Variants in SRGAP2 observed in about 807,000 individuals in gnomAD.
SRGAP2 encodes the protein SLIT-ROBO Rho GTPase activating protein 2.
SRGAP2 carries 15 observed loss-of-function variants against 57.2 expected under a neutral mutation model. That is an observed-to-expected ratio of 0.26 (90% CI 0.18 to 0.40). The LOEUF (loss-of-function observed/expected upper bound fraction) is 0.40, where lower values mean the gene tolerates loss of function less well. Among genes scored for constraint, SRGAP2 ranks in the 10% least tolerant of loss-of-function variants. The pLI is 1.00. For missense variants in SRGAP2, 520 were observed against 669.6 expected, an observed-to-expected ratio of 0.78 and a Z score of 2.47; for synonymous variants, 249 against 248.0, an observed-to-expected ratio of 1.00 and a Z score of -0.04.
chr1:206,437,092 G>C (rs1661829941), intron 15 of SRGAP2, 50 bp downstream of exon 15: 1 of 778,836 alleles, frequency 1.3e-6, no homozygotes, highest in Non-Finnish European at 2.4e-6. Flanking sequence ...AGCCCCCTGG[G>C]GTATTGGCTC....
rs1312955674 is a variant in SRGAP2 at position 206,462,777 on chromosome 1, T to A, written c.*1357T>A. On this transcript the variant is annotated 3_prime_UTR_variant, in exon 23 of 23. Coordinates refer to ENST00000573034, the MANE Select transcript of SRGAP2 (RefSeq NM_015326.5). Reference sequence around the variant, plus strand: ...TATTCTGGCTCTACTCTGGCCTTTTTTCTGGTTCCCTTCCAAAATGCACAA... The same window carrying A: ...TATTCTGGCTCTACTCTGGCCTTTTATCTGGTTCCCTTCCAAAATGCACAA... 1 of 152,236 alleles carries A rather than the reference T, an allele frequency of 6.6e-6. No individual in the cohort carries two copies. The highest frequency in any genetic ancestry group is 6.5e-5 in the Admixed American group (1 of 15,280). 9.4% of individuals were successfully genotyped at this position (152,236 alleles called of 1,614,324 possible). A position where few individuals can be genotyped will look rare whatever the true frequency, so the allele number is the denominator to read the frequency against.
At chr1:206,418,881 A>ACT (rs146895320) in intron 11 of SRGAP2, among the ~76,000 whole-genome samples, 20,578 of 97,336 alleles carry the variant, frequency 0.21, 1,759 homozygotes, top group East Asian at 0.23. Context: ...TCAGCCTCCA[A>ACT]CTCTCTCTGT....
At chr1:206,386,761 T>C (rs1179205023) in intron 5 of SRGAP2, among the ~76,000 whole-genome samples, 4 of 137,330 alleles carry the variant, frequency 2.9e-5, no homozygotes, top group Non-Finnish European at 6.2e-5. Context: ...ATCGTGCCAC[T>C]GCACTCCAGC....
chr1:206,307,553 T>C (rs1672314919), intron 3 of SRGAP2, among the ~76,000 whole-genome samples: 1 of 152,024 alleles, frequency 6.6e-6, no homozygotes, highest in South Asian at 2.1e-4. Flanking sequence ...ATGGAGTGGG[T>C]GGGAGGCTCA....
intron 3 of SRGAP2, among the ~76,000 whole-genome samples, chr1:206,306,351 TTA>T (rs1672196826): frequency 6.6e-6 from 1 of 152,098 alleles, no homozygotes; most frequent in South Asian, 2.1e-4. Flanking sequence ...ACGGTGAGTG[TTA>T]CAGCTCTTAA....
intron 4 of SRGAP2, among the ~76,000 whole-genome samples, chr1:206,353,212 C>G (rs1342103052): frequency 2.0e-5 from 3 of 151,984 alleles, no homozygotes; most frequent in Non-Finnish European, 4.4e-5. Flanking sequence ...TTTTTTCTGT[C>G]CCATCTCTCC....
chr1:206,296,611 T>A lies in SRGAP2; in HGVS notation c.68-6670T>A, dbSNP rs1430129232. 2.6e-4 allele frequency among the ~76,000 whole-genome samples: 40 copies of A among 152,200 alleles called. No homozygotes were observed. The South Asian group carries it at 7.7e-3, about 29-fold the overall frequency. ...CCCCCAGCTAACTTAAAAAAAAATTTTGTAGAGCTGGGATTTTGCCATGTT... is the reference window on the plus strand; with the variant it reads ...CCCCCAGCTAACTTAAAAAAAAATTATGTAGAGCTGGGATTTTGCCATGTT... On this transcript the variant is annotated intron_variant, in intron 2 of 22. Coordinates refer to ENST00000573034, the MANE Select transcript of SRGAP2 (RefSeq NM_015326.5).
chr1:206,404,710 C>T (rs1658535689), intron 8 of SRGAP2, among the ~76,000 whole-genome samples: 1 of 152,228 alleles, frequency 6.6e-6, no homozygotes, highest in South Asian at 2.1e-4. Flanking sequence ...CATACCCCCT[C>T]GGGCCCTCTA....
intron 11 of SRGAP2, among the ~76,000 whole-genome samples, 154 bp from the exon 12 acceptor site, chr1:206,419,215 GTCTC>G (rs1660071359): frequency 6.6e-6 from 1 of 151,804 alleles, no homozygotes; most frequent in Non-Finnish European, 1.5e-5. Flanking sequence ...CTCTGTCTCT[GTCTC>G]TCTCTGTCTC....
intron 2 of SRGAP2, among the ~76,000 whole-genome samples, chr1:206,289,634 G>C (rs1392561163): frequency 4.8e-5 from 7 of 146,466 alleles, no homozygotes; most frequent in African/African-American, 1.8e-4. Flanking sequence ...CCACTAATAA[G>C]TTTCATCTAG....
chr1:206,416,118 C>A, intron 11 of SRGAP2, 145 bp downstream of exon 11: 1 of 608,168 alleles, frequency 1.6e-6, no homozygotes, highest in South Asian at 2.0e-5. Context: ...GATGTGGAAG[C>A]ACACACCCCA....
chr1:206,339,784 CTTTTTTCTT>C (rs1274524581), intron 3 of SRGAP2, among the ~76,000 whole-genome samples: 3 of 150,148 alleles, frequency 2.0e-5, no homozygotes, highest in African/African-American at 7.4e-5. Flanking sequence ...CTTGCAAGTT[CTTTTTTCTT>C]TTTTTTCTTT....
At chr1:206,414,396 T>C (rs890329572) in intron 10 of SRGAP2, among the ~76,000 whole-genome samples, 1 of 152,158 alleles carries the variant, frequency 6.6e-6, no homozygotes, top group East Asian at 1.9e-4. Flanking sequence ...AAATCAAAGG[T>C]TTGATGTATA....
chr1:206,214,071 GC>G (rs1666487965), intron 2 of SRGAP2, among the ~76,000 whole-genome samples: 1 of 151,836 alleles, frequency 6.6e-6, no homozygotes, highest in African/African-American at 2.4e-5. Flanking sequence ...TCTTAATATG[GC>G]TTCTTTCTTC....
chr1:206,428,763 AGCAGT>A lies in SRGAP2; in HGVS notation c.1495-1398_1495-1394del, dbSNP rs1661031465. The stretch of plus-strand genomic sequence containing the variant: ...GTGCAACCTCTGTCCTCTGGGCTCA[AGCAGT>A]CCTCCCACCTCAGCCTCGCAAGTAG... On this transcript the variant is annotated intron_variant, in intron 13 of 22. Coordinates refer to ENST00000573034, the MANE Select transcript of SRGAP2 (RefSeq NM_015326.5). Among the ~76,000 whole-genome samples the A allele has an allele frequency of 4.6e-5, 7 of 152,236 alleles. No homozygotes were observed. The South Asian group carries it at 1.5e-3, about 32-fold the overall frequency.
At chr1:206,273,117 T>TA (rs1485509231) in intron 2 of SRGAP2, among the ~76,000 whole-genome samples, 2 of 152,180 alleles carry the variant, frequency 1.3e-5, no homozygotes, top group East Asian at 1.9e-4. Flanking sequence ...TTTTACGTCT[T>TA]AGAGTAGCTG....
At chr1:206,242,507 C>CA (rs1185943114) in intron 2 of SRGAP2, among the ~76,000 whole-genome samples, 3 of 122,780 alleles carry the variant, frequency 2.4e-5, no homozygotes, top group Non-Finnish European at 5.0e-5. Context: ...ATAAAAACCT[C>CA]AAAGTTATTA....
chr1:206,371,648 G>A (rs1255375100), intron 4 of SRGAP2, among the ~76,000 whole-genome samples: 19 of 151,330 alleles, frequency 1.3e-4, no homozygotes, highest in African/African-American at 2.9e-4. Flanking sequence ...GGAGAATGGC[G>A]TGAATCCGGG....
intron 2 of SRGAP2, among the ~76,000 whole-genome samples, chr1:206,208,579 C>T (rs1457106645): frequency 6.6e-6 from 1 of 152,224 alleles, no homozygotes; most frequent in Non-Finnish European, 1.5e-5. Flanking sequence ...GAAAAAGTCT[C>T]TACCCTCATG....
Sources: gnomAD v4.1 joint callset for allele counts (sites outside exome capture counted in the v4.1 genomes callset) on GRCh38, gnomAD v4.1.1 for gene constraint, MANE v1.5 for transcripts, NCBI Gene and HGNC (gene_info 2026-07-23, HGNC 2026-07-21) for gene names.